The following PHF21A variants were observed in gnomAD, a reference collection of about 807,000 sequenced individuals.
The protein encoded by PHF21A is PHD finger protein 21A.
In PHF21A, 11 loss-of-function variants were observed where a neutral mutation model predicts 82.5. That is an observed-to-expected ratio of 0.13 (90% CI 0.08 to 0.22). The LOEUF (loss-of-function observed/expected upper bound fraction) is 0.22. PHF21A is among the 10% of genes least tolerant of loss of function. The pLI is 1.00. For synonymous variants in PHF21A, 297 were observed against 302.8 expected (o/e 0.98, Z 0.20); for missense variants, 579 against 837.8 (o/e 0.69, Z 3.81).
intron 6 of PHF21A, among the ~76,000 whole-genome samples, chr11:46,074,878 T>C (rs1419666000): frequency 6.6e-6 from 1 of 152,234 alleles, no homozygotes; most frequent in African/African-American, 2.4e-5. Context: ...TTTTGAACTT[T>C]ACAGCTGTGC....
chr11:46,040,379 A>G (rs1035047722), intron 6 of PHF21A, among the ~76,000 whole-genome samples: 2 of 152,230 alleles, frequency 1.3e-5, no homozygotes, highest in Admixed American at 6.5e-5. Context: ...ACAGACAATA[A>G]AAGTTTTTTT....
intron 7 of PHF21A, among the ~76,000 whole-genome samples, chr11:45,979,407 A>G (rs183925297): frequency 6.6e-6 from 1 of 152,340 alleles, no homozygotes; most frequent in Non-Finnish European, 1.5e-5. Flanking sequence ...GAATTCCAGA[A>G]GAGGTCAAGT....
chr11:46,030,936 A>G (rs2138301495), intron 6 of PHF21A, among the ~76,000 whole-genome samples: 1 of 152,038 alleles, frequency 6.6e-6, no homozygotes, highest in East Asian at 1.9e-4. Flanking sequence ...TGCTGATTTT[A>G]AAACAGTAGC....
intron 6 of PHF21A, among the ~76,000 whole-genome samples, chr11:46,018,926 T>G (rs764469990): frequency 7.9e-5 from 12 of 152,178 alleles, no homozygotes; most frequent in Non-Finnish European, 1.6e-4. Context: ...AGACTTTTTA[T>G]GACAAAATCA....
chr11:45,949,725 A>C (rs1329751912), intron 12 of PHF21A, among the ~76,000 whole-genome samples: 1 of 152,212 alleles, frequency 6.6e-6, no homozygotes, highest in African/African-American at 2.4e-5. Flanking sequence ...AATAGACAAC[A>C]CTTGTAAACA....
At chr11:45,979,510 T>C (rs2094188129) in intron 7 of PHF21A, among the ~76,000 whole-genome samples, 1 of 152,364 alleles carries the variant, frequency 6.6e-6, no homozygotes, top group East Asian at 1.9e-4. Context: ...ATTTTTGTTA[T>C]TGACTACCTT....
intron 1 of PHF21A, among the ~76,000 whole-genome samples, chr11:46,097,587 C>A (rs1424268193): frequency 6.6e-6 from 1 of 152,204 alleles, no homozygotes; most frequent in Non-Finnish European, 1.5e-5. Context: ...TACTTATGCT[C>A]TTCCTTATAA....
intron 6 of PHF21A, among the ~76,000 whole-genome samples, chr11:45,995,215 G>A (rs1210456587): frequency 1.3e-5 from 2 of 152,168 alleles, no homozygotes; most frequent in Non-Finnish European, 2.9e-5. Flanking sequence ...ACAGTGGAAC[G>A]AACCCACTCA....
chr11:46,021,257 T>TCA (rs1251511318), intron 6 of PHF21A, among the ~76,000 whole-genome samples: 1 of 152,134 alleles, frequency 6.6e-6, no homozygotes, highest in Non-Finnish European at 1.5e-5. Flanking sequence ...GATGGGGGTC[T>TCA]CACTCTGTTG....
At chr11:46,057,280 A>G (rs1041305822) in intron 6 of PHF21A, among the ~76,000 whole-genome samples, 7 of 152,166 alleles carry the variant, frequency 4.6e-5, no homozygotes, top group African/African-American at 9.7e-5. Context: ...TTGCATGTCT[A>G]TAAGTTTTAT....
intron 6 of PHF21A, among the ~76,000 whole-genome samples, chr11:46,024,243 T>C (rs2095693264): frequency 6.6e-6 from 1 of 152,140 alleles, no homozygotes; most frequent in African/African-American, 2.4e-5. Context: ...CTTCTCTGAC[T>C]TTCCTATTTC....
intron 6 of PHF21A, among the ~76,000 whole-genome samples, chr11:46,016,971 ATTT>A (rs58460605): frequency 6.8e-6 from 1 of 147,948 alleles, no homozygotes; most frequent in Non-Finnish European, 1.5e-5. Context: ...TTTAACCTGG[ATTT>A]TTTTTTTTTT....
chr11:45,959,762 C>T (rs1227566781), intron 10 of PHF21A, among the ~76,000 whole-genome samples: 8 of 152,168 alleles, frequency 5.3e-5, no homozygotes. Context: ...AAAAGGCAAA[C>T]TACGGAACAG....
chr11:46,083,594 C>T (rs1254375230), intron 4 of PHF21A: 1 of 152,188 alleles, frequency 6.6e-6, no homozygotes, highest in Non-Finnish European at 1.5e-5. Context: ...TGTCTTCCGC[C>T]TGATGTCCAG....
intron 18 of PHF21A, 156 bp from the exon 19 acceptor site, chr11:45,934,381 G>A: frequency 2.8e-6 from 2 of 713,106 alleles, no homozygotes; most frequent in South Asian, 1.8e-5. Context: ...CAGTGGAGTG[G>A]GCGGCTACCA....
At chr11:46,098,990 A>G (rs546887174) in intron 1 of PHF21A, among the ~76,000 whole-genome samples, 1 of 152,332 alleles carries the variant, frequency 6.6e-6, no homozygotes, top group South Asian at 2.1e-4. Flanking sequence ...TAATTCAAAT[A>G]AAAGTCACTA....
chr11:46,070,505 A>G (rs1354947434), intron 6 of PHF21A, among the ~76,000 whole-genome samples: 1 of 152,002 alleles, frequency 6.6e-6, no homozygotes, highest in Non-Finnish European at 1.5e-5. Flanking sequence ...TAATTTTTGT[A>G]TTTTTAGTAG....
intron 1 of PHF21A, among the ~76,000 whole-genome samples, chr11:46,098,775 T>C (rs945033702): frequency 2.0e-5 from 3 of 152,114 alleles, no homozygotes; most frequent in African/African-American, 4.8e-5. Context: ...TTTGAGCTTA[T>C]TTTGGTGTAC....
At chr11:46,020,489 G>A in intron 6 of PHF21A, among the ~76,000 whole-genome samples, 1 of 152,196 alleles carries the variant, frequency 6.6e-6, no homozygotes, top group East Asian at 1.9e-4. Context: ...GATTACTGCT[G>A]TATCTTTTAA....
Sources: allele counts gnomAD v4.1 joint callset (sites outside exome capture counted in the v4.1 genomes callset), GRCh38; gene constraint gnomAD v4.1.1; transcripts MANE v1.5; gene names NCBI Gene and HGNC (gene_info 2026-07-23, HGNC 2026-07-21).